BACH2: variants seen among roughly 807,000 people sequenced by gnomAD.
BACH2 encodes the protein BACH transcriptional regulator 2.
BACH2 carries 5 observed loss-of-function variants against 61.8 expected under a neutral mutation model. That is an observed-to-expected ratio of 0.08 (90% confidence interval 0.04 to 0.17). BACH2 has a LOEUF of 0.17. BACH2 is among the 10% of genes least tolerant of loss of function. BACH2 has a pLI of 1.00. For synonymous variants in BACH2, 446 were observed against 440.1 expected (o/e 1.01, Z -0.17); for missense variants, 824 against 1,091.1 (o/e 0.76, Z 3.45).
In BACH2 at chr6:89,964,860, T is replaced by C. The variant is rs530487292; in HGVS notation, c.244-12998A>G. Among the ~76,000 whole-genome samples, 14 of 152,318 alleles carry C rather than the reference T, an allele frequency of 9.2e-5. No individual in the cohort carries two copies. The East Asian group carries it at 2.7e-3, about 29-fold the overall frequency. ...TCAGAGGGCCCCTGCCCTATGTTTC[T>C]AGATTTGCTTACAGACCTTATTAGA... On this transcript the variant is annotated intron_variant, in intron 6 of 8. Transcript: ENST00000257749.
chr6:90,129,328 T>C (rs1255950221), intron 4 of BACH2, among the ~76,000 whole-genome samples: 2 of 152,132 alleles, frequency 1.3e-5, no homozygotes, highest in African/African-American at 4.8e-5. Flanking sequence ...CTCTGTCACA[T>C]ATTTCTTTTT....
At chr6:90,165,336 A>G (rs1334531495) in intron 4 of BACH2, among the ~76,000 whole-genome samples, 2 of 152,232 alleles carry the variant, frequency 1.3e-5, no homozygotes, top group Admixed American at 1.3e-4. Flanking sequence ...TAAAATACTC[A>G]GGAATCCAAC....
chr6:90,020,117 T>C (rs1033431250), intron 5 of BACH2, among the ~76,000 whole-genome samples: 1 of 152,230 alleles, frequency 6.6e-6, no homozygotes, highest in African/African-American at 2.4e-5. Flanking sequence ...CTTTATGCCA[T>C]GTCAGTATTA....
At chr6:90,241,152 A>C (rs1294378563) in intron 3 of BACH2, among the ~76,000 whole-genome samples, 4 of 149,398 alleles carry the variant, frequency 2.7e-5, no homozygotes, top group Non-Finnish European at 4.4e-5. Context: ...AAAAAAAAAG[A>C]GTTGACTAAA....
In BACH2 at chr6:90,017,933, C is replaced by G. The variant is rs190328064; in HGVS notation, c.-12-9077G>C. On this transcript the variant is annotated intron_variant, in intron 5 of 8. Transcript: ENST00000257749. ...TTGTGTTCCCATAAATAATCTTGAG[C>G]TTTGTTCTAAGACACAGTTGAGTTA... is the stretch of plus-strand genomic sequence containing the variant. Among the ~76,000 whole-genome samples, 147 of 152,218 alleles carry G rather than the reference C, an allele frequency of 9.7e-4. 2 individuals are homozygous for G. The highest frequency in any genetic ancestry group is 8.2e-3 in the Admixed American group (125 of 15,294).
chr6:90,178,265 C>T (rs972648873), intron 4 of BACH2, among the ~76,000 whole-genome samples: 2 of 152,062 alleles, frequency 1.3e-5, no homozygotes, highest in Admixed American at 1.3e-4. Context: ...CTTCCCTCAC[C>T]ACCTCACTAT....
intron 4 of BACH2, among the ~76,000 whole-genome samples, chr6:90,163,613 G>C (rs1233422415): frequency 6.6e-6 from 1 of 152,066 alleles, no homozygotes; most frequent in Non-Finnish European, 1.5e-5. Flanking sequence ...ACTAAAGGTA[G>C]ATGATATCTT....
At chr6:89,991,947 C>T (rs1056721112) in intron 6 of BACH2, among the ~76,000 whole-genome samples, 9 of 152,202 alleles carry the variant, frequency 5.9e-5, no homozygotes, top group East Asian at 1.9e-4. Context: ...TTTTAATATA[C>T]GGTGAGTTCA....
At chr6:90,245,636 G>A (rs1770609466) in intron 3 of BACH2, among the ~76,000 whole-genome samples, 1 of 152,172 alleles carries the variant, frequency 6.6e-6, no homozygotes, top group Admixed American at 6.5e-5. Context: ...AATTTCTTAA[G>A]TAGGTAAACA....
At chr6:90,222,213 T>C (rs951326914) in intron 3 of BACH2, among the ~76,000 whole-genome samples, 1 of 152,208 alleles carries the variant, frequency 6.6e-6, no homozygotes, top group African/African-American at 2.4e-5. Context: ...CTAGTGACTA[T>C]TATATTTGGA....
rs75989741 is a variant in BACH2, at chr6:90,005,298, G to A, written c.243+3304C>T. Among the ~76,000 whole-genome samples, 1,724 of 152,264 alleles carry A rather than the reference G, an allele frequency of 0.011. 85 individuals carry two copies. The East Asian group carries it at 0.16, about 14-fold the overall frequency. Reference sequence around the variant, plus strand: ...GCTGGCCCCCTTGAGGAGCACAGCGGTTGGCTGCCAAGGGAGTGTAGATGG... The same window carrying A: ...GCTGGCCCCCTTGAGGAGCACAGCGATTGGCTGCCAAGGGAGTGTAGATGG... On this transcript the variant is annotated intron_variant, in intron 6 of 8. Coordinates refer to ENST00000257749, the MANE Select transcript of BACH2 (RefSeq NM_021813.4).
At chr6:89,989,036 G>A (rs1372397292) in intron 6 of BACH2, among the ~76,000 whole-genome samples, 4 of 152,180 alleles carry the variant, frequency 2.6e-5, no homozygotes, top group Admixed American at 6.5e-5. Context: ...ATTGAGCAGT[G>A]GAAGGACCTT....
chr6:90,163,348 T>C (rs1244665785), intron 4 of BACH2, among the ~76,000 whole-genome samples: 2 of 150,960 alleles, frequency 1.3e-5, no homozygotes, highest in African/African-American at 4.9e-5. Flanking sequence ...GTAAAAACAA[T>C]GAAGTGATAA....
intron 2 of BACH2, among the ~76,000 whole-genome samples, chr6:90,257,893 A>G (rs1262149410): frequency 6.6e-6 from 1 of 152,072 alleles, no homozygotes; most frequent in African/African-American, 2.4e-5. Flanking sequence ...CTCCTGCCTC[A>G]GCCTCCCAAG....
At chr6:89,947,089 G>C (rs1331737709) in intron 7 of BACH2, among the ~76,000 whole-genome samples, 1 of 152,162 alleles carries the variant, frequency 6.6e-6, no homozygotes, top group Non-Finnish European at 1.5e-5. Context: ...GTATTACACT[G>C]GCGTCTGGCA....
intron 4 of BACH2, among the ~76,000 whole-genome samples, chr6:90,137,281 G>A (rs527750168): frequency 1.3e-5 from 2 of 152,226 alleles, no homozygotes; most frequent in African/African-American, 4.8e-5. Flanking sequence ...TAAAGTATAT[G>A]CTATCTGAGA....
chr6:90,291,625 G>A (rs1772182159), intron 1 of BACH2, among the ~76,000 whole-genome samples: 1 of 148,450 alleles, frequency 6.7e-6, no homozygotes, highest in African/African-American at 2.5e-5. Flanking sequence ...AAAAAAAAAA[G>A]GTGAAAGTTG....
At chr6:89,939,660 T>TC (rs1265992145) in intron 7 of BACH2, among the ~76,000 whole-genome samples, 6 of 39,790 alleles carry the variant, frequency 1.5e-4, no homozygotes, top group African/African-American at 5.1e-4. Flanking sequence ...ATATTTCTTT[T>TC]TTTTTTTTTT....
intron 7 of BACH2, among the ~76,000 whole-genome samples, chr6:89,939,394 T>A (rs1451212809): frequency 6.6e-6 from 1 of 152,214 alleles, no homozygotes; most frequent in East Asian, 1.9e-4. Flanking sequence ...AACTCCTGAA[T>A]TCCTGACTCA....
Sources: allele counts gnomAD v4.1 joint callset (sites outside exome capture counted in the v4.1 genomes callset), GRCh38; gene constraint gnomAD v4.1.1; transcripts MANE v1.5; gene names NCBI Gene and HGNC (gene_info 2026-07-23, HGNC 2026-07-21).